Variants in ARHGEF4 observed in about 807,000 individuals in gnomAD.
The protein encoded by ARHGEF4 is Rho guanine nucleotide exchange factor 4.
A neutral mutation model predicts 162.0 loss-of-function variants in ARHGEF4; 119 were observed. The observed-to-expected ratio is 0.73, with a 90% CI of 0.63 to 0.86. The LOEUF (loss-of-function observed/expected upper bound fraction) is 0.86. Ranked by LOEUF, ARHGEF4 falls within the 40% of genes least tolerant of loss-of-function variation. The pLI is 0.00. For missense variants in ARHGEF4, 2,488 were observed against 2,456.0 expected (o/e 1.01, Z -0.28); for synonymous variants, 1,014 against 979.9 (o/e 1.03, Z -0.65).
At chr2:130,944,224 A>C (rs11687441) in intron 3 of ARHGEF4, among the ~76,000 whole-genome samples, 56,903 of 152,012 alleles carry the variant, frequency 0.37, 13,700 homozygotes, top group African/African-American at 0.69. Flanking sequence ...TCTAATTTTC[A>C]GCAGTTTATG....
chr2:130,973,238 C>T (rs1298582471), intron 4 of ARHGEF4, among the ~76,000 whole-genome samples: 1 of 152,218 alleles, frequency 6.6e-6, no homozygotes, highest in African/African-American at 2.4e-5. Flanking sequence ...CCTGTAATCC[C>T]ATCACTTTGG....
chr2:130,942,528 C>T (rs1194038515), intron 3 of ARHGEF4, among the ~76,000 whole-genome samples: 5 of 152,030 alleles, frequency 3.3e-5, no homozygotes, highest in Non-Finnish European at 7.4e-5. Context: ...AGATCAACTG[C>T]AGGTATAATT....
At chr2:130,846,735 C>A (rs1184215834) in intron 1 of ARHGEF4, among the ~76,000 whole-genome samples, 1 of 152,162 alleles carries the variant, frequency 6.6e-6, no homozygotes, top group Non-Finnish European at 1.5e-5. Context: ...GACAGCCAGG[C>A]AGCTGGGACA....
chr2:130,985,875 T>A (rs1406482596), intron 4 of ARHGEF4, among the ~76,000 whole-genome samples: 2 of 151,724 alleles, frequency 1.3e-5, no homozygotes, highest in African/African-American at 4.8e-5. Context: ...GTGTGCGTGG[T>A]GTGTATTGTA....
intron 1 of ARHGEF4, among the ~76,000 whole-genome samples, chr2:130,883,117 G>T (rs1679299836): frequency 6.6e-6 from 1 of 151,996 alleles, no homozygotes; most frequent in Admixed American, 6.5e-5. Flanking sequence ...GGTTTTTCAA[G>T]GAGCGAGATG....
chr2:130,870,882 G>C (rs1239558561), intron 1 of ARHGEF4, among the ~76,000 whole-genome samples: 3 of 152,150 alleles, frequency 2.0e-5, no homozygotes, highest in Non-Finnish European at 4.4e-5. Flanking sequence ...AGGGTAGGGT[G>C]GGGCAGGTGT....
chr2:130,897,994 T>G (rs1680258775), intron 1 of ARHGEF4, among the ~76,000 whole-genome samples: 1 of 152,198 alleles, frequency 6.6e-6, no homozygotes, highest in Admixed American at 6.5e-5. Context: ...TAACACATGG[T>G]GAGTGTGCCA....
At chr2:130,993,327 G>A (rs1392044289) in intron 4 of ARHGEF4, among the ~76,000 whole-genome samples, 9 of 152,006 alleles carry the variant, frequency 5.9e-5, no homozygotes, top group African/African-American at 2.2e-4. Context: ...AAAATTTCTG[G>A]CATATTTGTA....
In ARHGEF4 at chr2:131,041,231, A is replaced by T; in HGVS notation, c.4664A>T (p.Gln1555Leu). Residue 1555 changes from glutamine (Q) to leucine (L), a missense_variant and splice_region_variant, in exon 9 of 14, where the codon CAA (glutamine) becomes CTA (leucine). Transcript: ENST00000409359. ...CTAACCTCCAGCTGTGCCCCTTAGC[A>T]AGCCGACTTCCAGATCTACTCGGAG... ...SELGACFLEHQADFQIYSEYC... is the reference protein window; with the variant it reads ...SELGACFLEHLADFQIYSEYC... The T allele has an allele frequency of 6.2e-7, 1 of 1,612,894 alleles. No homozygotes were observed. Among genetic ancestry groups the T allele is most frequent in the South Asian group, 1.1e-5 (1 of 90,942 alleles).
At chr2:131,040,220 G>C (rs1247055363) in intron 7 of ARHGEF4, 28 bp downstream of exon 7, 22 of 1,609,002 alleles carry the variant, frequency 1.4e-5, no homozygotes, top group Non-Finnish European at 1.9e-5. Context: ...GGCGGTGACT[G>C]GGGACCCGGT....
At chr2:130,903,548 G>A (rs1032793794) in intron 1 of ARHGEF4, among the ~76,000 whole-genome samples, 4 of 152,026 alleles carry the variant, frequency 2.6e-5, no homozygotes, top group South Asian at 2.1e-4. Context: ...GTGAGCCACC[G>A]CACCTGACTG....
intron 4 of ARHGEF4, among the ~76,000 whole-genome samples, chr2:130,998,541 A>G (rs781742681): frequency 2.0e-5 from 3 of 152,084 alleles, no homozygotes; most frequent in Non-Finnish European, 2.9e-5. Flanking sequence ...CTGTAATGTC[A>G]TGTAGTTGAA....
At chr2:130,870,257 G>A (rs1467696984) in intron 1 of ARHGEF4, among the ~76,000 whole-genome samples, 1 of 152,188 alleles carries the variant, frequency 6.6e-6, no homozygotes, top group South Asian at 2.1e-4. Flanking sequence ...CTGAACAGAC[G>A]AGATGGGACC....
At chr2:131,012,111 C>T (rs1487078780) in intron 4 of ARHGEF4, among the ~76,000 whole-genome samples, 1 of 152,098 alleles carries the variant, frequency 6.6e-6, no homozygotes. Context: ...ACGCCTGTGG[C>T]TGAGCAGTTT....
At chr2:130,979,209 A>G (rs139733298) in intron 4 of ARHGEF4, among the ~76,000 whole-genome samples, 1,921 of 152,370 alleles carry the variant, frequency 0.013, 23 homozygotes, top group Middle Eastern at 0.024. Context: ...ATTACTGACA[A>G]CATATATTAA....
intron 1 of ARHGEF4, among the ~76,000 whole-genome samples, chr2:130,854,451 C>A (rs1681619025): frequency 6.6e-6 from 1 of 152,228 alleles, no homozygotes; most frequent in Non-Finnish European, 1.5e-5. Flanking sequence ...TCACTCCTGT[C>A]CTCTGATAGG....
chr2:130,873,088 C>T (rs530570756), intron 1 of ARHGEF4, among the ~76,000 whole-genome samples: 16 of 152,334 alleles, frequency 1.1e-4, no homozygotes, highest in Admixed American at 5.9e-4. Context: ...GGGGAATGGG[C>T]ACACACAGGC....
In ARHGEF4 at chr2:131,041,295, C is replaced by T. The variant is rs745528155; in HGVS notation, c.4728C>T (p.Ser1576=). 3.1e-6 allele frequency: 5 copies of T among 1,613,824 alleles called. No homozygotes were observed. In the East Asian group the frequency reaches 8.9e-5, roughly 29 times the overall value. Reference sequence around the variant, plus strand: ...ACCCCAACGCCTGCGTGGAGCTCTCCCGGCTCACCAAGCTCAGCAAGTACG... The same window carrying T: ...ACCCCAACGCCTGCGTGGAGCTCTCTCGGCTCACCAAGCTCAGCAAGTACG... ...NNHPNACVEL[S]RLTKLSKYVY... The change falls in exon 9 of 14, where the codon TCC becomes TCT. Residue 1576 remains serine (S), a synonymous_variant. Coordinates refer to ENST00000409359, the MANE Select transcript of ARHGEF4 (RefSeq NM_001367493.1).
intron 4 of ARHGEF4, among the ~76,000 whole-genome samples, chr2:130,981,669 A>AG (rs903395980): frequency 2.0e-5 from 3 of 151,804 alleles, no homozygotes; most frequent in African/African-American, 7.3e-5. Flanking sequence ...AAAAAAAAAA[A>AG]AAAGAAAAAA....
Sources: allele counts gnomAD v4.1 joint callset (sites outside exome capture counted in the v4.1 genomes callset), GRCh38; gene constraint gnomAD v4.1.1; transcripts MANE v1.5; gene names NCBI Gene and HGNC (gene_info 2026-07-23, HGNC 2026-07-21).